STPG4: variants seen among roughly 807,000 people sequenced by gnomAD.
The protein encoded by STPG4 is sperm-tail PG-rich repeat containing 4, also known as protein STPG4.
Under a neutral mutation model 31.5 loss-of-function variants are expected in STPG4, and 41 were observed. That is an observed-to-expected ratio of 1.30 (90% CI 1.01 to 1.69). STPG4 has a LOEUF of 1.69. Ranked by LOEUF, STPG4 falls within the 40% of genes most tolerant of loss-of-function variation. The probability of loss-of-function intolerance (pLI) is 0.00; values close to 1 mark genes in which losing one functional copy is unlikely to be tolerated. For missense variants in STPG4, 375 were observed against 293.4 expected, an observed-to-expected ratio of 1.28 and a Z score of -2.03; for synonymous variants, 141 against 103.0, an observed-to-expected ratio of 1.37 and a Z score of -2.24.
intron 5 of STPG4, among the ~76,000 whole-genome samples, chr2:47,114,158 C>T (rs1455692424): frequency 6.6e-6 from 1 of 151,836 alleles, no homozygotes; most frequent in Admixed American, 6.6e-5. Context: ...ATAGCTTAAG[C>T]CCAGGTGTTC....
chr2:47,151,172 G>A (rs1300657217), intron 3 of STPG4, 86 bp downstream of exon 3: 3 of 1,470,676 alleles, frequency 2.0e-6, no homozygotes, highest in Non-Finnish European at 2.8e-6. Context: ...TCTCCTGGGG[G>A]AAGATATACT....
At chr2:47,111,222 T>C (rs557180337) in intron 5 of STPG4, among the ~76,000 whole-genome samples, 1 of 152,208 alleles carries the variant, frequency 6.6e-6, no homozygotes, top group Admixed American at 6.5e-5. Flanking sequence ...TTGGTGGTGG[T>C]GGGGAGGGGT....
At chr2:47,155,089 G>T in intron 1 of STPG4, 82 bp downstream of exon 1, 2 of 1,359,180 alleles carry the variant, frequency 1.5e-6, no homozygotes, top group Non-Finnish European at 2.1e-6. Flanking sequence ...ACGAAGGCCT[G>T]GGATTAGAGA....
At chr2:47,110,497 G>A (rs768403972) in intron 5 of STPG4, among the ~76,000 whole-genome samples, 3 of 152,162 alleles carry the variant, frequency 2.0e-5, no homozygotes, top group African/African-American at 4.8e-5. Flanking sequence ...GGGAGACTGA[G>A]GCAGGAGAAT....
At chr2:47,101,462 C>T (rs972110635) in intron 5 of STPG4, among the ~76,000 whole-genome samples, 3 of 151,772 alleles carry the variant, frequency 2.0e-5, no homozygotes, top group Non-Finnish European at 4.4e-5. Flanking sequence ...GACCCTTGCC[C>T]CCTGGGTCCT....
At chr2:47,138,966 T>C (rs1573191839) in intron 3 of STPG4, among the ~76,000 whole-genome samples, 3 of 152,360 alleles carry the variant, frequency 2.0e-5, no homozygotes, top group Admixed American at 2.0e-4. Context: ...ATTACAGGTG[T>C]GAGCCACCGC....
At chr2:47,097,654 C>T (rs1275480196) in intron 5 of STPG4, among the ~76,000 whole-genome samples, 1 of 152,194 alleles carries the variant, frequency 6.6e-6, no homozygotes, top group Non-Finnish European at 1.5e-5. Flanking sequence ...CCTCATCAGA[C>T]ACCAACCTTG....
At chr2:47,151,659 G>C in intron 2 of STPG4, 144 bp from the exon 3 acceptor site, 1 of 661,960 alleles carries the variant, frequency 1.5e-6, no homozygotes, top group Admixed American at 2.9e-5. Flanking sequence ...AAACACTCTT[G>C]ACAGAAGAGT....
At chr2:47,101,157 G>A (rs1282097954) in intron 5 of STPG4, among the ~76,000 whole-genome samples, 1 of 151,756 alleles carries the variant, frequency 6.6e-6, no homozygotes, top group Non-Finnish European at 1.5e-5. Flanking sequence ...TAAATACCGG[G>A]CACCTGTCAG....
At chr2:47,148,691 C>G (rs1482343158) in intron 3 of STPG4, among the ~76,000 whole-genome samples, 1 of 152,136 alleles carries the variant, frequency 6.6e-6, no homozygotes, top group Non-Finnish European at 1.5e-5. Flanking sequence ...TCCCCCAACT[C>G]CACGACAGGC....
rs140964579 is a variant in STPG4, at chr2:47,088,646, G to C, written c.625-1516C>G. ...TATTTTTTACTATTATCACCTACTTGTCATTTCCACCCTGCCCTGCAGTTT... is the reference window on the plus strand; with the variant it reads ...TATTTTTTACTATTATCACCTACTTCTCATTTCCACCCTGCCCTGCAGTTT... On this transcript the variant is annotated intron_variant, in intron 6 of 6. Coordinates refer to ENST00000445927, the MANE Select transcript of STPG4 (RefSeq NM_001163561.2). Among the ~76,000 whole-genome samples the C allele has an allele frequency of 4.5e-4, 69 of 152,276 alleles. No homozygotes were observed. In the East Asian group the frequency reaches 0.012, roughly 27 times the overall value.
Position 47,101,935 on chromosome 2 carries a change from G to A in STPG4, c.520-11561C>T, listed in dbSNP as rs182406480. 2.5e-4 allele frequency among the ~76,000 whole-genome samples: 38 copies of A among 151,778 alleles called. 2 individuals are homozygous for A. The highest frequency in any genetic ancestry group is 6.1e-4 in the African/African-American group (25 of 41,248). ...ATGCTTAGGACTCTAACAGGTTTTC[G>A]AGAATGTGTCGGTAAGGGCCACTAA... On this transcript the variant is annotated intron_variant, in intron 5 of 6. Transcript: ENST00000445927.
At chr2:47,112,975 G>C (rs1241940545) in intron 5 of STPG4, among the ~76,000 whole-genome samples, 1 of 109,722 alleles carries the variant, frequency 9.1e-6, no homozygotes, top group African/African-American at 3.9e-5. Flanking sequence ...CTGGGCGACA[G>C]AGCAAGACTA....
intron 5 of STPG4, among the ~76,000 whole-genome samples, chr2:47,111,671 T>TAA (rs143593525): frequency 6.7e-6 from 1 of 149,242 alleles, no homozygotes; most frequent in Non-Finnish European, 1.5e-5. Flanking sequence ...TCTCTGTGGG[T>TAA]AAAAAAAAAA....
At chr2:47,147,647 T>C (rs1459430008) in intron 3 of STPG4, among the ~76,000 whole-genome samples, 1 of 152,094 alleles carries the variant, frequency 6.6e-6, no homozygotes, top group Non-Finnish European at 1.5e-5. Flanking sequence ...GTGTTGAAAT[T>C]ATGATATGAG....
intron 5 of STPG4, among the ~76,000 whole-genome samples, chr2:47,104,316 C>A (rs1049196798): frequency 2.0e-5 from 3 of 151,972 alleles, no homozygotes; most frequent in Non-Finnish European, 4.4e-5. Context: ...TGAAAGCTCA[C>A]GGCTTAGTAA....
intron 6 of STPG4, 73 bp from the exon 7 acceptor site, chr2:47,087,203 C>G (rs1558666369): frequency 6.6e-6 from 10 of 1,519,060 alleles, no homozygotes; most frequent in Middle Eastern, 1.7e-4. Flanking sequence ...TGCCTAGCCA[C>G]TGGCTTGGAT....
chr2:47,123,973 TTTTATTTA>T (rs145679913), intron 5 of STPG4, among the ~76,000 whole-genome samples: 88 of 152,124 alleles, frequency 5.8e-4, no homozygotes, highest in African/African-American at 2.0e-3. Flanking sequence ...CTTATTTTTA[TTTTATTTA>T]TTTATTTATT....
At chr2:47,088,324 C>T (rs1344423211) in intron 6 of STPG4, among the ~76,000 whole-genome samples, 1 of 152,198 alleles carries the variant, frequency 6.6e-6, no homozygotes, top group Non-Finnish European at 1.5e-5. Context: ...TAGACTAAGA[C>T]TTCAATTTCT....
Sources: allele counts gnomAD v4.1 joint callset (sites outside exome capture counted in the v4.1 genomes callset), GRCh38; gene constraint gnomAD v4.1.1; transcripts MANE v1.5; gene names NCBI Gene and HGNC (gene_info 2026-07-23, HGNC 2026-07-21).